The following NTRK3 variants were observed in gnomAD, a reference collection of about 807,000 sequenced individuals.
The protein encoded by NTRK3 is NT-3 growth factor receptor.
In NTRK3, 24 loss-of-function variants were observed where a neutral mutation model predicts 91.7. The observed-to-expected ratio is 0.26, with a 90% CI of 0.19 to 0.37. NTRK3 has a LOEUF of 0.37. Among genes scored for constraint, NTRK3 ranks in the 10% least tolerant of loss-of-function variants. The pLI, the probability that NTRK3 is intolerant of heterozygous loss-of-function variation, is 1.00. For missense variants in NTRK3, 880 were observed against 1,068.9 expected (o/e 0.82, Z 2.46); for synonymous variants, 483 against 404.0 (o/e 1.20, Z -2.34).
chr15:88,047,269 TTCCATC>T (rs2080307618), intron 13 of NTRK3, among the ~76,000 whole-genome samples: 1 of 152,180 alleles, frequency 6.6e-6, no homozygotes, highest in African/African-American at 2.4e-5. Flanking sequence ...TTACACCTTC[TTCCATC>T]TCACCAGATA....
chr15:88,127,662 C>G (rs186912528), intron 11 of NTRK3, among the ~76,000 whole-genome samples: 20 of 152,324 alleles, frequency 1.3e-4, no homozygotes, highest in Non-Finnish European at 2.6e-4. Context: ...ATTCCTTTTC[C>G]TCTCCCTGCC....
chr15:88,122,373 G>A (rs1050699772), intron 13 of NTRK3, among the ~76,000 whole-genome samples: 1 of 152,160 alleles, frequency 6.6e-6, no homozygotes, highest in Admixed American at 6.5e-5. Flanking sequence ...CATGAGGGGA[G>A]AGACAGCTGA....
intron 11 of NTRK3, among the ~76,000 whole-genome samples, chr15:88,127,511 C>T (rs1351309823): frequency 6.6e-6 from 1 of 152,170 alleles, no homozygotes; most frequent in Non-Finnish European, 1.5e-5. Flanking sequence ...GAGAAAATAA[C>T]ATAACCTGGG....
chr15:87,971,030 C>T (rs2073213965), intron 14 of NTRK3, among the ~76,000 whole-genome samples: 1 of 152,156 alleles, frequency 6.6e-6, no homozygotes, highest in Admixed American at 6.5e-5. Context: ...CATTTGGTAT[C>T]AGAGGTACTG....
chr15:87,923,464 C>G lies in NTRK3; in HGVS notation c.2133+5727G>C, dbSNP rs576353738. ...AGGAAAAGGGTAGAGCTCCATGAGC[C>G]TGAATGATGGTGTAGCAGAGGACTA... On this transcript the variant is annotated intron_variant, in intron 17 of 18. Coordinates refer to ENST00000394480, the Ensembl canonical transcript of NTRK3. 2.6e-5 allele frequency among the ~76,000 whole-genome samples: 4 copies of G among 152,278 alleles called. No individual in the cohort carries two copies. In the East Asian group the frequency reaches 7.7e-4, roughly 29 times the overall value.
exon 19 of NTRK3, chr15:87,877,099 C>A (rs2141438103): frequency 6.2e-7 from 1 of 1,614,088 alleles, no homozygotes. Flanking sequence ...AAAACACGAC[C>A]TTGGGTAATG....
At position 88,243,242 on chromosome 15, in the gene NTRK3, C is replaced by T. The variant is rs975127023; in HGVS notation, c.248+12664G>A. Among the ~76,000 whole-genome samples, 10 of 152,164 alleles carry T rather than the reference C, an allele frequency of 6.6e-5. No individual in the cohort carries two copies. Among genetic ancestry groups the T allele is most frequent in the Admixed American group, 1.3e-4 (2 of 15,280 alleles). The stretch of plus-strand genomic sequence containing the variant: ...TGTTATTTCCCTCTCTGTGTCTTAT[C>T]GCCACATTTGTTCAAATGACTGCCA... On this transcript the variant is annotated intron_variant, in intron 3 of 18. Transcript: ENST00000394480. The surrounding 1 kb of genome is among the most constrained non-coding windows in gnomAD (Gnocchi z 4.8).
chr15:88,059,686 C>G (rs937350064), intron 13 of NTRK3, among the ~76,000 whole-genome samples: 1 of 152,048 alleles, frequency 6.6e-6, no homozygotes, highest in Non-Finnish European at 1.5e-5. Flanking sequence ...GAGCTATGGT[C>G]GGGGGATAAA....
At chr15:88,007,306 C>T (rs2076562815) in intron 14 of NTRK3, among the ~76,000 whole-genome samples, 1 of 152,160 alleles carries the variant, frequency 6.6e-6, no homozygotes, top group Admixed American at 6.5e-5. Flanking sequence ...GAACCAAAAC[C>T]CAGTTGTGCC....
intron 3 of NTRK3, among the ~76,000 whole-genome samples, chr15:88,245,588 A>C (rs2052739089): frequency 6.6e-6 from 1 of 152,186 alleles, no homozygotes; most frequent in Non-Finnish European, 1.5e-5. Context: ...AATGAGCTAG[A>C]GGCGGAGAGA....
intron 3 of NTRK3, among the ~76,000 whole-genome samples, chr15:88,194,529 T>A (rs1279717930): frequency 1.3e-5 from 2 of 152,214 alleles, no homozygotes; most frequent in African/African-American, 4.8e-5. Context: ...TTCAACTCTA[T>A]CTACTTCTTG....
At chr15:88,021,299 C>T (rs1445533969) in intron 14 of NTRK3, among the ~76,000 whole-genome samples, 1 of 152,200 alleles carries the variant, frequency 6.6e-6, no homozygotes, top group African/African-American at 2.4e-5. Context: ...GGTTCAGGCC[C>T]ATCTGGGCAC....
At chr15:88,227,749 C>T (rs956680788) in intron 3 of NTRK3, among the ~76,000 whole-genome samples, 2 of 152,036 alleles carry the variant, frequency 1.3e-5, no homozygotes, top group Admixed American at 6.5e-5. Flanking sequence ...ACTCACTGCC[C>T]GTTCCTCCCT....
chr15:88,001,491 A>T (rs536760939), intron 14 of NTRK3, among the ~76,000 whole-genome samples: 1 of 152,116 alleles, frequency 6.6e-6, no homozygotes, highest in Non-Finnish European at 1.5e-5. Flanking sequence ...TAGGTCTTAG[A>T]TCCATTTTGA....
At chr15:88,162,215 CA>C (rs1384873220) in intron 5 of NTRK3, among the ~76,000 whole-genome samples, 3 of 152,220 alleles carry the variant, frequency 2.0e-5, no homozygotes, top group Non-Finnish European at 4.4e-5. Context: ...TTTAGCTAGA[CA>C]ACTCATGAAC....
At chr15:88,030,657 C>T (rs372768417) in intron 14 of NTRK3, among the ~76,000 whole-genome samples, 2 of 152,142 alleles carry the variant, frequency 1.3e-5, no homozygotes, top group South Asian at 2.1e-4. Flanking sequence ...AAAACCAAGA[C>T]TCAAGGCACT....
At chr15:88,201,751 A>G (rs1363408144) in intron 3 of NTRK3, among the ~76,000 whole-genome samples, 2 of 152,152 alleles carry the variant, frequency 1.3e-5, no homozygotes, top group Non-Finnish European at 2.9e-5. Context: ...TTCAGAACAC[A>G]GGGCCAGGCC....
chr15:88,251,163 G>A (rs2053307678), intron 3 of NTRK3, among the ~76,000 whole-genome samples: 1 of 152,228 alleles, frequency 6.6e-6, no homozygotes, highest in Non-Finnish European at 1.5e-5. Flanking sequence ...TGGGTGGCCT[G>A]AGTTTGCTAG....
chr15:88,000,313 A>G (rs1461882702), intron 14 of NTRK3, among the ~76,000 whole-genome samples: 4 of 152,206 alleles, frequency 2.6e-5, no homozygotes, highest in Admixed American at 6.5e-5. Context: ...AATTCTCACA[A>G]TCGAACAAGG....
Sources: gnomAD v4.1 joint callset for allele counts (sites outside exome capture counted in the v4.1 genomes callset) on GRCh38, gnomAD v4.1.1 for gene constraint, Gnocchi (gnomAD v3.1) non-coding constraint, MANE v1.5 for transcripts, NCBI Gene and HGNC (gene_info 2026-07-23, HGNC 2026-07-21) for gene names.